Variants in AK7 observed in about 807,000 individuals in gnomAD.
The protein encoded by AK7 is ATP-AMP transphosphorylase 7.
In AK7, 78 loss-of-function variants were observed where a neutral mutation model predicts 96.6. The ratio of observed to expected loss-of-function variants is 0.81; its 90% CI spans 0.67 to 0.97. AK7 has a LOEUF of 0.97. Ranked by LOEUF, AK7 falls within the 50% of genes least tolerant of loss-of-function variation. The pLI is 0.00. For missense variants in AK7, 855 were observed against 887.9 expected (o/e 0.96, Z 0.47); for synonymous variants, 302 against 317.2 (o/e 0.95, Z 0.51).
chr14:96,483,715 C>T (rs189514119), intron 16 of AK7, among the ~76,000 whole-genome samples: 2 of 152,298 alleles, frequency 1.3e-5, no homozygotes, highest in African/African-American at 4.8e-5. Flanking sequence ...CATGAGCCAC[C>T]ATGCCCAGCT....
At chr14:96,392,547 G>C (rs1889813067) in intron 1 of AK7, among the ~76,000 whole-genome samples, 1 of 152,242 alleles carries the variant, frequency 6.6e-6, no homozygotes. Flanking sequence ...ACTTGCCCAA[G>C]ATCACATAGA....
intron 5 of AK7, among the ~76,000 whole-genome samples, chr14:96,429,242 T>C (rs996493510): frequency 5.9e-5 from 9 of 152,208 alleles, no homozygotes; most frequent in African/African-American, 2.2e-4. Context: ...TTCTTGTTTT[T>C]CTCAGGTTTG....
intron 6 of AK7, among the ~76,000 whole-genome samples, chr14:96,442,390 G>A (rs991051032): frequency 3.3e-5 from 5 of 152,198 alleles, no homozygotes; most frequent in East Asian, 3.8e-4. Context: ...AATGCCATGC[G>A]TATAGCTACT....
rs992488897 is a variant in AK7, at chr14:96,437,900, A to G, written c.675A>G (p.Leu225=). 6.2e-7 allele frequency: 1 copy of G among 1,613,786 alleles called. No homozygotes were observed. The highest frequency in any genetic ancestry group is 8.5e-7 in the Non-Finnish European group (1 of 1,179,836). The change falls in exon 6 of 18, where the codon TTA becomes TTG. Residue 225 remains leucine (L), a synonymous_variant. Transcript: ENST00000267584. ...GLQYGAEGGM[L]HTFFKMAWLG... Reference sequence around the variant, plus strand: ...AGTATGGAGCGGAAGGAGGCATGTTACACACATTTTTTAAGGTATGGCTTT... The same window carrying G: ...AGTATGGAGCGGAAGGAGGCATGTTGCACACATTTTTTAAGGTATGGCTTT...
intron 15 of AK7, among the ~76,000 whole-genome samples, chr14:96,479,859 T>C (rs1383804639): frequency 6.6e-6 from 1 of 152,120 alleles, no homozygotes; most frequent in African/African-American, 2.4e-5. Flanking sequence ...CAGGGGCTGC[T>C]CTCTACCCCC....
At chr14:96,416,783 C>G (rs1242000998) in intron 4 of AK7, among the ~76,000 whole-genome samples, 1 of 152,176 alleles carries the variant, frequency 6.6e-6, no homozygotes, top group Non-Finnish European at 1.5e-5. Context: ...AAAGGGAACA[C>G]AGCCTAGCAA....
intron 1 of AK7, among the ~76,000 whole-genome samples, chr14:96,397,440 G>A (rs1165984590): frequency 1.3e-5 from 2 of 152,058 alleles, no homozygotes; most frequent in African/African-American, 2.4e-5. Context: ...GTAGAGACGA[G>A]GTTTCACCAT....
chr14:96,422,373 G>A (rs6420932), intron 5 of AK7, among the ~76,000 whole-genome samples: 1 of 152,126 alleles, frequency 6.6e-6, no homozygotes, highest in African/African-American at 2.4e-5. Context: ...TCCATAGATA[G>A]GAGACATGAA....
chr14:96,402,756 T>C (rs1890489043), intron 2 of AK7, among the ~76,000 whole-genome samples: 1 of 148,752 alleles, frequency 6.7e-6, no homozygotes, highest in African/African-American at 2.5e-5. Flanking sequence ...CCCCAAGAGA[T>C]ATATTGAAAT....
chr14:96,403,008 G>A (rs1276251059), intron 2 of AK7, among the ~76,000 whole-genome samples: 9 of 151,984 alleles, frequency 5.9e-5, no homozygotes, highest in Non-Finnish European at 1.3e-4. Flanking sequence ...CCAGCTACTC[G>A]GGAGGCTGAG....
rs573489154 is a variant in AK7, at chr14:96,409,195, T to C, written c.498+254T>C. ...CAAAGCTTGCTTATCACTTATGGTA[T>C]GTATTTTAAACATATTGAAAGAGCT... On this transcript the variant is annotated intron_variant, in intron 4 of 17. Transcript: ENST00000267584. 5.3e-5 allele frequency among the ~76,000 whole-genome samples: 8 copies of C among 152,350 alleles called. No homozygotes were observed. The East Asian group carries it at 1.5e-3, about 29-fold the overall frequency.
At chr14:96,397,276 T>G (rs1438001721) in intron 1 of AK7, among the ~76,000 whole-genome samples, 2 of 151,724 alleles carry the variant, frequency 1.3e-5, no homozygotes, top group African/African-American at 2.4e-5. Flanking sequence ...TTAGGCGGAG[T>G]CTTGCTCTGT....
At chr14:96,484,493 C>A (rs1243692445) in intron 16 of AK7, among the ~76,000 whole-genome samples, 2 of 152,120 alleles carry the variant, frequency 1.3e-5, no homozygotes, top group African/African-American at 4.8e-5. Context: ...TGATAAAAAT[C>A]CAAACTTGTC....
At chr14:96,485,819 G>A (rs1399627652) in intron 16 of AK7, among the ~76,000 whole-genome samples, 3 of 142,434 alleles carry the variant, frequency 2.1e-5, no homozygotes, top group South Asian at 2.2e-4. Flanking sequence ...TTTTTGAGAC[G>A]GAGTCTTGCT....
chr14:96,409,038 T>G, intron 4 of AK7, 97 bp downstream of exon 4: 1 of 1,207,978 alleles, frequency 8.3e-7, no homozygotes, highest in Non-Finnish European at 1.2e-6. Context: ...TTGTGTATTC[T>G]CCCACTCCTG....
chr14:96,484,657 G>A (rs898137425), intron 16 of AK7, among the ~76,000 whole-genome samples: 1 of 152,042 alleles, frequency 6.6e-6, no homozygotes, highest in African/African-American at 2.4e-5. Flanking sequence ...GGCATTTCCT[G>A]GTCTCTGTAA....
At chr14:96,403,770 A>G (rs966839262) in intron 2 of AK7, among the ~76,000 whole-genome samples, 4 of 152,172 alleles carry the variant, frequency 2.6e-5, no homozygotes, top group South Asian at 2.1e-4. Flanking sequence ...GGGTCCTTTT[A>G]TGGTTCTCTT....
intron 5 of AK7, among the ~76,000 whole-genome samples, chr14:96,435,917 A>AT (rs1892612966): frequency 1.3e-5 from 2 of 152,210 alleles, no homozygotes; most frequent in South Asian, 4.2e-4. Flanking sequence ...GGCTTTGGCG[A>AT]TTCCAAACTG....
chr14:96,425,864 T>C (rs1892000729), intron 5 of AK7, among the ~76,000 whole-genome samples: 1 of 152,180 alleles, frequency 6.6e-6, no homozygotes, highest in Non-Finnish European at 1.5e-5. Flanking sequence ...GCATGGAATA[T>C]CTTTTTCCAT....
Sources: allele counts gnomAD v4.1 joint callset (sites outside exome capture counted in the v4.1 genomes callset), GRCh38; gene constraint gnomAD v4.1.1; transcripts MANE v1.5; gene names NCBI Gene and HGNC (gene_info 2026-07-23, HGNC 2026-07-21).